The following GRIN2B variants were observed in gnomAD, a reference collection of about 807,000 sequenced individuals.
The protein encoded by GRIN2B is glutamate ionotropic receptor NMDA type subunit 2B.
In GRIN2B, 5 loss-of-function variants were observed where a neutral mutation model predicts 114.5. The observed-to-expected ratio is 0.04, with a 90% CI of 0.02 to 0.09. GRIN2B has a LOEUF of 0.09. Ranked by LOEUF, GRIN2B falls within the 10% of genes least tolerant of loss-of-function variation. The pLI is 1.00. For missense variants in GRIN2B, 1,108 were observed against 1,943.5 expected (o/e 0.57, Z 8.08); for synonymous variants, 787 against 745.1 (o/e 1.06, Z -0.92).
chr12:13,639,695 T>C (rs1949696604), intron 5 of GRIN2B, among the ~76,000 whole-genome samples: 2 of 152,162 alleles, frequency 1.3e-5, no homozygotes, highest in Admixed American at 6.5e-5. Flanking sequence ...ATCAGAAGCA[T>C]ACTGCATCCT....
At chr12:13,894,878 C>T (rs1418841123) in intron 2 of GRIN2B, among the ~76,000 whole-genome samples, 2 of 152,056 alleles carry the variant, frequency 1.3e-5, no homozygotes. Context: ...AAATTAAGTG[C>T]CTAAATCTGT....
chr12:13,592,078 G>T (rs371516201), intron 10 of GRIN2B, among the ~76,000 whole-genome samples: 5 of 152,212 alleles, frequency 3.3e-5, no homozygotes, highest in Non-Finnish European at 7.3e-5. Context: ...TTGCCTCAAG[G>T]AGCTTATGAT....
At position 13,927,791 on chromosome 12, in the gene GRIN2B, C is replaced by CA. The variant is rs1166630195; in HGVS notation, c.-19+52136dup. On this transcript the variant is annotated intron_variant, in intron 2 of 13. Transcript: ENST00000609686. ...CTACATAATGAGACCCCCATCTCTACAAAAAAAATAAAAATTAAAAAAAAA... is the reference window on the plus strand; with the variant it reads ...CTACATAATGAGACCCCCATCTCTACAAAAAAAAATAAAAATTAAAAAAAAA... 9.5e-5 allele frequency among the ~76,000 whole-genome samples: 14 copies of CA among 147,556 alleles called. No homozygotes were observed. The South Asian group carries it at 1.9e-3, about 21-fold the overall frequency.
At chr12:13,651,100 C>T (rs1218713842) in intron 5 of GRIN2B, among the ~76,000 whole-genome samples, 1 of 152,036 alleles carries the variant, frequency 6.6e-6, no homozygotes, top group Non-Finnish European at 1.5e-5. Context: ...GCATACCTGC[C>T]AGTGCTAGAA....
chr12:13,727,995 G>A (rs951552663), intron 4 of GRIN2B, among the ~76,000 whole-genome samples: 5 of 152,166 alleles, frequency 3.3e-5, no homozygotes, highest in African/African-American at 4.8e-5. Context: ...TGTGAGTAAA[G>A]CTTATGTAAA....
chr12:13,763,093 T>C (rs1309420365), intron 3 of GRIN2B, among the ~76,000 whole-genome samples: 1 of 151,180 alleles, frequency 6.6e-6, no homozygotes, highest in Non-Finnish European at 1.5e-5. Context: ...GCTCCAGAAA[T>C]GAAAATAAAA....
intron 10 of GRIN2B, among the ~76,000 whole-genome samples, chr12:13,598,366 C>T (rs966528883): frequency 6.6e-6 from 1 of 152,214 alleles, no homozygotes; most frequent in African/African-American, 2.4e-5. Flanking sequence ...CTGACTCCCT[C>T]CTTCCCATAT....
chr12:13,590,305 G>A (rs906425752), intron 10 of GRIN2B, among the ~76,000 whole-genome samples: 14 of 152,064 alleles, frequency 9.2e-5, no homozygotes, highest in African/African-American at 3.4e-4. Context: ...ACGTACCACG[G>A]TGGTTTGCTC....
At chr12:13,706,377 T>C (rs1950360269) in intron 4 of GRIN2B, among the ~76,000 whole-genome samples, 1 of 152,166 alleles carries the variant, frequency 6.6e-6, no homozygotes. Context: ...AAACTCATAC[T>C]TTCCCAGTGG....
At chr12:13,918,995 GA>G (rs1224578906) in intron 2 of GRIN2B, among the ~76,000 whole-genome samples, 3 of 148,010 alleles carry the variant, frequency 2.0e-5, no homozygotes, top group Non-Finnish European at 3.1e-5. Flanking sequence ...TTCTCAAAAA[GA>G]AAAAAATAGA....
intron 2 of GRIN2B, among the ~76,000 whole-genome samples, chr12:13,939,894 C>G (rs1401426001): frequency 6.6e-6 from 1 of 152,040 alleles, no homozygotes; most frequent in Non-Finnish European, 1.5e-5. Flanking sequence ...CATATCCAGC[C>G]CACAGAAAGT....
Position 13,570,021 on chromosome 12 carries a change from T to C in GRIN2B, c.2172-4A>G, listed in dbSNP as rs367915298. On this transcript the variant is annotated splice_polypyrimidine_tract_variant and splice_region_variant and intron_variant, in intron 11 of 13. Coordinates refer to ENST00000609686, the MANE Select transcript of GRIN2B (RefSeq NM_000834.5). ...ATAGATGAAGGCATCCAGTTTCCTG[T>C]ACAGGAAAAAAGCAAACAAATCCAA... 1.6e-5 allele frequency: 26 copies of C among 1,608,368 alleles called. No homozygotes were observed. In the African/African-American group the frequency reaches 3.2e-4, roughly 20 times the overall value.
intron 2 of GRIN2B, among the ~76,000 whole-genome samples, chr12:13,945,248 T>C (rs1345068029): frequency 2.0e-5 from 3 of 152,218 alleles, no homozygotes; most frequent in South Asian, 2.1e-4. Context: ...TGTTCCAGAT[T>C]CTTAATCCAT....
At chr12:13,766,932 T>C (rs2136641854) in intron 3 of GRIN2B, among the ~76,000 whole-genome samples, 1 of 152,170 alleles carries the variant, frequency 6.6e-6, no homozygotes, top group African/African-American at 2.4e-5. Context: ...GATGTGGGCT[T>C]TCAAATTTAA....
intron 5 of GRIN2B, among the ~76,000 whole-genome samples, chr12:13,617,974 C>T (rs1949465339): frequency 6.6e-6 from 1 of 152,174 alleles, no homozygotes. Flanking sequence ...TATTTGGTAC[C>T]TACACAGTCC....
intron 5 of GRIN2B, among the ~76,000 whole-genome samples, chr12:13,627,772 G>A (rs1397506532): frequency 3.9e-5 from 6 of 152,230 alleles, no homozygotes; most frequent in Non-Finnish European, 8.8e-5. Context: ...CAGCCACAGA[G>A]TCTACAGTCA....
Position 13,589,182 on chromosome 12 carries a change from T to C in GRIN2B, c.2011-17218A>G, listed in dbSNP as rs2268094. On this transcript the variant is annotated intron_variant, in intron 10 of 13. Coordinates refer to ENST00000609686, the MANE Select transcript of GRIN2B (RefSeq NM_000834.5). ...TTAACTAGTAACTATTCAATAACGATTAAGCTAATTGTTGTTATATACTAG... is the reference window on the plus strand; with the variant it reads ...TTAACTAGTAACTATTCAATAACGACTAAGCTAATTGTTGTTATATACTAG... 9.5e-4 allele frequency among the ~76,000 whole-genome samples: 145 copies of C among 152,354 alleles called. 2 individuals carry two copies. Among genetic ancestry groups the C allele is most frequent in the East Asian group, 9.1e-3 (47 of 5,184 alleles).
chr12:13,591,894 C>T (rs1423171680), intron 10 of GRIN2B, among the ~76,000 whole-genome samples: 2 of 152,062 alleles, frequency 1.3e-5, no homozygotes, highest in African/African-American at 4.8e-5. Flanking sequence ...CCCCAAGAAA[C>T]AATACTATAA....
intron 9 of GRIN2B, 100 bp from the exon 10 acceptor site, chr12:13,608,932 C>T (rs969351946): frequency 1.2e-6 from 1 of 848,602 alleles, no homozygotes; most frequent in East Asian, 2.5e-5. Context: ...GAGCAGGAAA[C>T]CCTTCCGCTA....
Sources: allele counts gnomAD v4.1 joint callset (sites outside exome capture counted in the v4.1 genomes callset), GRCh38; gene constraint gnomAD v4.1.1; transcripts MANE v1.5; gene names NCBI Gene and HGNC (gene_info 2026-07-23, HGNC 2026-07-21).